The following CDC27 variants were observed in gnomAD, a reference collection of about 807,000 sequenced individuals.
CDC27 encodes the protein cell division cycle protein 27 homolog.
Under a neutral mutation model 109.7 loss-of-function variants are expected in CDC27, and 27 were observed. The ratio of observed to expected loss-of-function variants is 0.25; its 90% CI spans 0.18 to 0.34. The LOEUF (loss-of-function observed/expected upper bound fraction) is 0.34, where lower values mean the gene tolerates loss of function less well. Among genes scored for constraint, CDC27 ranks in the 10% least tolerant of loss-of-function variants. CDC27 has a pLI of 1.00. For synonymous variants in CDC27, 266 were observed against 333.9 expected, an observed-to-expected ratio of 0.80 and a Z score of 2.22; for missense variants, 579 against 960.2, an observed-to-expected ratio of 0.60 and a Z score of 5.25.
chr17:47,144,475 G>A (rs1348311445), intron 9 of CDC27, among the ~76,000 whole-genome samples: 1 of 152,196 alleles, frequency 6.6e-6, no homozygotes, highest in African/African-American at 2.4e-5. Flanking sequence ...GTTGGGCAAA[G>A]ATAGTCTAAA....
At chr17:47,185,529 T>C (rs941366261) in intron 1 of CDC27, among the ~76,000 whole-genome samples, 1 of 152,118 alleles carries the variant, frequency 6.6e-6, no homozygotes, top group Admixed American at 6.6e-5. Flanking sequence ...TTACAAAAAA[T>C]TTGTTTACTT....
intron 18 of CDC27, among the ~76,000 whole-genome samples, chr17:47,121,470 C>T (rs555759396): frequency 6.6e-6 from 1 of 152,168 alleles, no homozygotes; most frequent in Non-Finnish European, 1.5e-5. Context: ...ATCTATCTTG[C>T]TCTGTCACCT....
chr17:47,174,166 G>A (rs917803938), intron 2 of CDC27, among the ~76,000 whole-genome samples: 1 of 152,196 alleles, frequency 6.6e-6, no homozygotes, highest in African/African-American at 2.4e-5. Context: ...GTTGTGACAC[G>A]GGTGGTTTCT....
chr17:47,151,706 T>G, intron 9 of CDC27, 100 bp downstream of exon 9: 1 of 860,674 alleles, frequency 1.2e-6, no homozygotes, highest in Admixed American at 3.0e-5. Context: ...TTACAGTAGT[T>G]ATTCTAGAAT....
intron 1 of CDC27, 75 bp from the exon 2 acceptor site, chr17:47,181,712 C>T (rs1227125284): frequency 1.4e-6 from 1 of 696,352 alleles, no homozygotes. Flanking sequence ...CACAGCCTTA[C>T]ATCAAATACT....
chr17:47,178,854 G>A (rs1311217200), intron 2 of CDC27, among the ~76,000 whole-genome samples: 1 of 151,980 alleles, frequency 6.6e-6, no homozygotes, highest in Non-Finnish European at 1.5e-5. Flanking sequence ...CCAGGCTGGA[G>A]TGCAGTGGTG....
intron 9 of CDC27, among the ~76,000 whole-genome samples, chr17:47,144,798 T>C (rs1176251371): frequency 2.6e-5 from 4 of 152,164 alleles, no homozygotes; most frequent in South Asian, 2.1e-4. Context: ...TAAAAAGATA[T>C]ATATTTTCAT....
In CDC27 at chr17:47,185,463, G is replaced by A. The variant is rs567413119; in HGVS notation, c.27+3683C>T. 2.4e-4 allele frequency among the ~76,000 whole-genome samples: 37 copies of A among 152,310 alleles called. 1 individual carries two copies. The highest frequency in any genetic ancestry group is 1.2e-3 in the East Asian group (6 of 5,188). On this transcript the variant is annotated intron_variant, in intron 1 of 18. Coordinates refer to ENST00000066544, the MANE Select transcript of CDC27 (RefSeq NM_001256.6). ...CCCCCAAAGTGCTGGGATTACAGGC[G>A]TGAGGCACCGCGCCCGGCCTGTAAT...
chr17:47,149,091 A>AAG (rs1555790036), intron 9 of CDC27, among the ~76,000 whole-genome samples: 20 of 151,640 alleles, frequency 1.3e-4, no homozygotes, highest in African/African-American at 4.8e-4. Context: ...AAAAAAAAAA[A>AAG]AAAAAGAAAA....
At chr17:47,133,851 C>A (rs770393628) in intron 14 of CDC27, among the ~76,000 whole-genome samples, 7 of 151,924 alleles carry the variant, frequency 4.6e-5, no homozygotes, top group Non-Finnish European at 1.0e-4. Context: ...TGGGTTCAAG[C>A]GATTTTCGTG....
intron 2 of CDC27, among the ~76,000 whole-genome samples, chr17:47,178,364 C>T (rs1265703811): frequency 2.7e-5 from 4 of 150,482 alleles, no homozygotes; most frequent in Non-Finnish European, 4.4e-5. Context: ...TGTGAGATCT[C>T]GTGTTCTCAA....
At chr17:47,145,540 C>A (rs567645672) in intron 9 of CDC27, among the ~76,000 whole-genome samples, 13 of 152,058 alleles carry the variant, frequency 8.5e-5, no homozygotes, top group African/African-American at 3.1e-4. Flanking sequence ...CTCCTGGGAC[C>A]GTGCCTGAAT....
At chr17:47,124,781 G>C (rs943183239) in intron 16 of CDC27, among the ~76,000 whole-genome samples, 3 of 151,618 alleles carry the variant, frequency 2.0e-5, no homozygotes, top group Admixed American at 6.6e-5. Context: ...CTGTCCATTT[G>C]GACAGAATGA....
At chr17:47,174,568 C>T (rs569264718) in intron 2 of CDC27, among the ~76,000 whole-genome samples, 1 of 152,214 alleles carries the variant, frequency 6.6e-6, no homozygotes, top group Non-Finnish European at 1.5e-5. Context: ...CATTAAGTCA[C>T]TCTTAAAGTA....
chr17:47,172,025 T>A lies in CDC27; in HGVS notation c.143A>T (p.Tyr48Phe), dbSNP rs62077270. 2 of 1,591,964 alleles carry A rather than the reference T, an allele frequency of 1.3e-6. No individual in the cohort carries two copies. Among genetic ancestry groups the A allele is most frequent in the Non-Finnish European group, 1.7e-6 (2 of 1,171,150 alleles). The change falls in exon 3 of 19, where the codon TAT becomes TTT. Residue 48 changes from tyrosine to phenylalanine, a missense_variant. Tyr to Phe is a conservative substitution (Grantham distance 22). This residue lies in a region of CDC27 where 44 missense variants were observed against 102.2 expected (regional missense o/e 0.43). Transcript: ENST00000066544. ...TTTATATGCCTTTCCTGAGCGGTAA[T>A]AACAGGTTGCCAGTAAAAACAAGGC... The part of the protein sequence containing the change: ...EEALFLLATC[Y>F]YRSGKAYKAY...
chr17:47,145,888 A>T (rs898602446), intron 9 of CDC27, among the ~76,000 whole-genome samples: 8 of 151,034 alleles, frequency 5.3e-5, no homozygotes, highest in African/African-American at 1.9e-4. Flanking sequence ...CAACAGCGAA[A>T]CTCTGTCTCA....
At chr17:47,151,155 T>C (rs2063140038) in intron 9 of CDC27, among the ~76,000 whole-genome samples, 1 of 152,208 alleles carries the variant, frequency 6.6e-6, no homozygotes, top group Non-Finnish European at 1.5e-5. Context: ...AAGTTCCTTC[T>C]CACAACAGAG....
intron 12 of CDC27, among the ~76,000 whole-genome samples, chr17:47,139,412 G>T (rs533375903): frequency 6.6e-6 from 1 of 151,834 alleles, no homozygotes; most frequent in African/African-American, 2.4e-5. Flanking sequence ...GACTACAGGC[G>T]CCTGCCACCA....
chr17:47,157,088 T>C lies in CDC27; in HGVS notation c.667A>G (p.Lys223Glu), dbSNP rs1311096651. 8 of 1,590,716 alleles carry C rather than the reference T, an allele frequency of 5.0e-6. No individual in the cohort carries two copies. Among genetic ancestry groups the C allele is most frequent in the African/African-American group, 1.4e-5 (1 of 73,990 alleles). Reference protein sequence around the residue: ...NRLNLESSNSKYSLNTDSSVS... With the variant: ...NRLNLESSNSEYSLNTDSSVS... ...GAGGAATCTGTATTCAAGGAGTACT[T>C]TGAATTGGAAGATTCTAAATTCAAT... is the stretch of plus-strand genomic sequence containing the variant. Residue 223 changes from lysine (K) to glutamate (E), a missense_variant, in exon 7 of 19, where the codon AAG becomes GAG. By Grantham distance (56) the Lys-to-Glu change is moderately conservative. Transcript: ENST00000066544.
Sources: gnomAD v4.1 joint callset for allele counts (sites outside exome capture counted in the v4.1 genomes callset) on GRCh38, gnomAD v4.1.1 for gene constraint, gnomAD v4.1.1 regional missense constraint, MANE v1.5 for transcripts, NCBI Gene and HGNC (gene_info 2026-07-23, HGNC 2026-07-21) for gene names.